Variants in ASAP1 observed in about 807,000 individuals in gnomAD.
ASAP1 encodes the protein arf-GAP with SH3 domain, ANK repeat and PH domain-containing protein 1.
In ASAP1, 43 loss-of-function variants were observed where a neutral mutation model predicts 145.2. The observed-to-expected ratio is 0.30, with a 90% CI of 0.23 to 0.38. The LOEUF is 0.38. Among genes scored for constraint, ASAP1 ranks in the 10% least tolerant of loss-of-function variants. The pLI, the probability that ASAP1 is intolerant of heterozygous loss-of-function variation, is 1.00. For missense variants in ASAP1, 1,018 were observed against 1,355.3 expected, an observed-to-expected ratio of 0.75 and a Z score of 3.91; for synonymous variants, 546 against 515.5, an observed-to-expected ratio of 1.06 and a Z score of -0.80.
intron 3 of ASAP1, among the ~76,000 whole-genome samples, chr8:130,316,927 C>T (rs917404897): frequency 5.3e-5 from 8 of 152,168 alleles, no homozygotes; most frequent in African/African-American, 1.2e-4. Context: ...CTCTCCAACA[C>T]GACAACTCAT....
rs564443372 is a variant in ASAP1, at chr8:130,209,290, G to A, written c.405+5266C>T. Among the ~76,000 whole-genome samples, 10 of 152,126 alleles carry A rather than the reference G, an allele frequency of 6.6e-5. No homozygotes were observed. In the South Asian group the frequency reaches 1.9e-3, roughly 28 times the overall value. Reference sequence around the variant, plus strand: ...GTTAGGCAACATTAACCTACTTAACGGTAGGGTTGGAATCATAACAAAGCC... The same window carrying A: ...GTTAGGCAACATTAACCTACTTAACAGTAGGGTTGGAATCATAACAAAGCC... On this transcript the variant is annotated intron_variant, in intron 5 of 29. Transcript: ENST00000518721.
At chr8:130,241,845 A>C (rs561985899) in intron 3 of ASAP1, among the ~76,000 whole-genome samples, 22 of 152,260 alleles carry the variant, frequency 1.4e-4, no homozygotes, top group Admixed American at 1.4e-3. Flanking sequence ...ACTATTCATT[A>C]AGACTTTCTA....
At position 130,214,726 on chromosome 8, in the gene ASAP1, G is replaced by T. The variant is rs771966287; in HGVS notation, c.260-25C>A. On this transcript the variant is annotated intron_variant, in intron 4 of 29. Transcript: ENST00000518721. ...TCTAAAAACAAAAAAGAAGAAGAAA[G>T]GAGTCTGAACTATTATTTGCCACAA... The T allele has an allele frequency of 1.4e-5, 22 of 1,557,700 alleles. No individual in the cohort carries two copies. In the East Asian group the frequency reaches 4.7e-4, roughly 34 times the overall value.
At chr8:130,217,876 G>C (rs552909004) in intron 4 of ASAP1, among the ~76,000 whole-genome samples, 7 of 152,184 alleles carry the variant, frequency 4.6e-5, no homozygotes, top group Non-Finnish European at 8.8e-5. Context: ...AAATAACCCA[G>C]GAAGTCTAAA....
intron 7 of ASAP1, among the ~76,000 whole-genome samples, chr8:130,185,492 C>T (rs950382363): frequency 1.3e-5 from 2 of 152,060 alleles, no homozygotes; most frequent in Non-Finnish European, 2.9e-5. Flanking sequence ...AGCACTTTGG[C>T]TGAGGCAGGT....
chr8:130,247,143 C>G (rs1818900290), intron 3 of ASAP1: 1 of 152,188 alleles, frequency 6.6e-6, no homozygotes, highest in African/African-American at 2.4e-5. Context: ...ACTAAAGGTA[C>G]TGTTAACACC....
At chr8:130,108,772 T>G (rs1378020429) in intron 24 of ASAP1, among the ~76,000 whole-genome samples, 7 of 125,874 alleles carry the variant, frequency 5.6e-5, no homozygotes, top group Admixed American at 8.1e-5. Context: ...TTTTTTTTTT[T>G]TTTTTTTTTT....
rs770612753 is a variant in ASAP1, at chr8:130,401,968, G to A, written c.-25C>T. On this transcript the variant is annotated splice_region_variant and 5_prime_UTR_variant, in exon 2 of 30. Coordinates refer to ENST00000518721, the MANE Select transcript of ASAP1 (RefSeq NM_018482.4). The stretch of plus-strand genomic sequence containing the variant: ...TGTCTCAGCCGTCACATCAGAAAAC[G>A]ACCTGGATAGGGGGCAGGACAAAAA... The A allele has an allele frequency of 6.2e-6, 10 of 1,609,066 alleles. No homozygotes were observed. Among genetic ancestry groups the A allele is most frequent in the Middle Eastern group, 1.8e-4 (1 of 5,714 alleles).
At chr8:130,094,353 G>A (rs573378059) in intron 24 of ASAP1, among the ~76,000 whole-genome samples, 15 of 151,912 alleles carry the variant, frequency 9.9e-5, no homozygotes, top group Non-Finnish European at 1.6e-4. Flanking sequence ...TGGGACTACA[G>A]GCATGTATCA....
At chr8:130,192,116 A>G (rs1257612738) in intron 5 of ASAP1, among the ~76,000 whole-genome samples, 1 of 152,128 alleles carries the variant, frequency 6.6e-6, no homozygotes, top group Non-Finnish European at 1.5e-5. Flanking sequence ...GATTTTGCCA[A>G]CAATCACACA....
chr8:130,088,958 G>T (rs1377705567), intron 25 of ASAP1, among the ~76,000 whole-genome samples: 5 of 152,226 alleles, frequency 3.3e-5, no homozygotes, highest in Admixed American at 3.3e-4. Context: ...CTATTGAGTA[G>T]TAGAGATGGA....
At chr8:130,265,880 C>A (rs769068603) in intron 3 of ASAP1, among the ~76,000 whole-genome samples, 174 of 152,140 alleles carry the variant, frequency 1.1e-3, no homozygotes, top group Non-Finnish European at 1.3e-4. Flanking sequence ...ACTGTCTCCC[C>A]CGAAAAAAGC....
chr8:130,349,539 G>A (rs116722160), intron 3 of ASAP1, among the ~76,000 whole-genome samples: 33 of 152,336 alleles, frequency 2.2e-4, no homozygotes, highest in African/African-American at 6.7e-4. Flanking sequence ...GTAGGACACA[G>A]TAAGGCTCAG....
rs982318964 is a variant in ASAP1 at position 130,358,388 on chromosome 8, C to T, written c.60-245G>A. Among the ~76,000 whole-genome samples the T allele has an allele frequency of 2.0e-3, 293 of 148,384 alleles. 1 individual carries two copies. The highest frequency in any genetic ancestry group is 3.4e-3 in the Non-Finnish European group (223 of 66,416). ...TTCAAACTCCAAGCCGCGCGCGAGGCAGGGGGCTCTCCGGGACCCGCCTCC... is the reference window on the plus strand; with the variant it reads ...TTCAAACTCCAAGCCGCGCGCGAGGTAGGGGGCTCTCCGGGACCCGCCTCC... On this transcript the variant is annotated intron_variant, in intron 2 of 29. Transcript: ENST00000518721. The surrounding 1 kb of genome is among the most constrained non-coding windows in gnomAD (Gnocchi z 4.1).
intron 11 of ASAP1, among the ~76,000 whole-genome samples, chr8:130,165,793 T>C (rs2097678773): frequency 6.6e-6 from 1 of 152,230 alleles, no homozygotes; most frequent in African/African-American, 2.4e-5. Context: ...TAGAGGCTTA[T>C]ATTCACTCAA....
chr8:130,165,449 C>A (rs7833272), intron 11 of ASAP1, among the ~76,000 whole-genome samples: 1 of 152,184 alleles, frequency 6.6e-6, no homozygotes, highest in African/African-American at 2.4e-5. Context: ...ACTGAGAAAT[C>A]ATTCAAAGAG....
At chr8:130,276,248 C>T (rs539131911) in intron 3 of ASAP1, among the ~76,000 whole-genome samples, 1 of 152,314 alleles carries the variant, frequency 6.6e-6, no homozygotes, top group East Asian at 1.9e-4. Context: ...CACTGGGCCG[C>T]TCCAGCTGTA....
At chr8:130,189,643 C>T (rs1012785705) in intron 5 of ASAP1, among the ~76,000 whole-genome samples, 6 of 152,126 alleles carry the variant, frequency 3.9e-5, no homozygotes, top group African/African-American at 1.4e-4. Flanking sequence ...TGTTGATACA[C>T]TGATTTCTTT....
chr8:130,368,212 T>C (rs971010144), intron 2 of ASAP1, among the ~76,000 whole-genome samples: 5 of 152,218 alleles, frequency 3.3e-5, no homozygotes, highest in African/African-American at 9.6e-5. Context: ...ATTTATAAAA[T>C]TGCTATATTT....
Sources: gnomAD v4.1 joint callset for allele counts (sites outside exome capture counted in the v4.1 genomes callset) on GRCh38, gnomAD v4.1.1 for gene constraint, Gnocchi (gnomAD v3.1) non-coding constraint, MANE v1.5 for transcripts, NCBI Gene and HGNC (gene_info 2026-07-23, HGNC 2026-07-21) for gene names.